SYDE2: variants seen among roughly 807,000 people sequenced by gnomAD.
SYDE2 encodes the protein synapse defective Rho GTPase homolog 2, also known as rho GTPase-activating protein SYDE2.
In SYDE2, 76 loss-of-function variants were observed where a neutral mutation model predicts 91.5. That is an observed-to-expected ratio of 0.83 (90% CI 0.69 to 1.01). The LOEUF is 1.01. Among genes scored for constraint, SYDE2 ranks in the 50% least tolerant of loss-of-function variants. The pLI, the probability that SYDE2 is intolerant of heterozygous loss-of-function variation, is 0.00. For missense variants in SYDE2, 1,364 were observed against 1,367.7 expected (o/e 1.00, Z 0.04); for synonymous variants, 513 against 506.4 (o/e 1.01, Z -0.18).
intron 2 of SYDE2, among the ~76,000 whole-genome samples, chr1:85,185,846 T>G (rs1331735587): frequency 6.6e-6 from 1 of 151,868 alleles, no homozygotes; most frequent in Non-Finnish European, 1.5e-5. Context: ...TGAATAGGAG[T>G]GGTGAGAGAG....
At chr1:85,181,236 C>A (rs186752575) in intron 3 of SYDE2, 2 of 146,828 alleles carry the variant, frequency 1.4e-5, no homozygotes, top group African/African-American at 5.0e-5. Context: ...ACTGTAATGT[C>A]CACCTCCTGG....
chr1:85,154,973 A>G (rs998086448), downstream of SYDE2, among the ~76,000 whole-genome samples: 3 of 150,194 alleles, frequency 2.0e-5, no homozygotes, highest in African/African-American at 7.3e-5. Flanking sequence ...AATATACTTC[A>G]GCAAACAGAA....
chr1:85,175,483 C>CA (rs1657662396), intron 4 of SYDE2, among the ~76,000 whole-genome samples: 1 of 152,050 alleles, frequency 6.6e-6, no homozygotes, highest in South Asian at 2.1e-4. Flanking sequence ...GACTCTTTCT[C>CA]AAAAAGCAAA....
chr1:85,188,690 T>A (rs191445697), intron 2 of SYDE2, among the ~76,000 whole-genome samples: 1 of 152,186 alleles, frequency 6.6e-6, no homozygotes, highest in Non-Finnish European at 1.5e-5. Context: ...AGAATTATTC[T>A]GCCCAAGGGT....
At chr1:85,188,517 T>C (rs1658240987) in intron 2 of SYDE2, among the ~76,000 whole-genome samples, 1 of 152,182 alleles carries the variant, frequency 6.6e-6, no homozygotes, top group Admixed American at 6.5e-5. Flanking sequence ...GAGAAAAGGT[T>C]TTAAATGTAA....
chr1:85,169,291 A>AT (rs147595313), intron 4 of SYDE2, 66 bp from the exon 5 acceptor site: 2 of 1,302,038 alleles, frequency 1.5e-6, no homozygotes, highest in Non-Finnish European at 2.1e-6. Flanking sequence ...ACTATGGTCA[A>AT]TTTTTTAAAA....
chr1:85,190,038 C>G lies in SYDE2; in HGVS notation c.1441+19G>C, dbSNP rs779003952. 2 of 1,544,890 alleles carry G rather than the reference C, an allele frequency of 1.3e-6. No individual in the cohort carries two copies. The highest frequency in any genetic ancestry group is 1.8e-6 in the Non-Finnish European group (2 of 1,138,422). On this transcript the variant is annotated intron_variant, in intron 2 of 6. Coordinates refer to ENST00000341460, the MANE Select transcript of SYDE2 (RefSeq NM_032184.2). The stretch of plus-strand genomic sequence containing the variant: ...AAAAATGGAAGAAGAAAGAAAGACA[C>G]ATATATGATCATTTTTACCTGCAAA...
In SYDE2 at chr1:85,164,749, T is replaced by C; in HGVS notation, c.2862A>G (p.Leu954=). The C allele has an allele frequency of 1.5e-6, 2 of 1,365,732 alleles. No individual in the cohort carries two copies. Among genetic ancestry groups the C allele is most frequent in the Non-Finnish European group, 1.9e-6 (2 of 1,055,032 alleles). 84.6% of individuals were successfully genotyped at this position (1,365,732 alleles called of 1,614,324 possible). ...ATTTCAAATGATCCAACAACATCTT[T>C]AGGGTTGCCTAAATTAAATTAAATT... The part of the protein sequence containing the change: ...DCLPEIEKAT[L]KMLLDHLKLV... The change falls in exon 6 of 7, where the codon CTA becomes CTG. Residue 954 remains leucine (L), a synonymous_variant. Transcript: ENST00000341460.
chr1:85,153,880 G>A (rs1656823170), downstream of SYDE2: 1 of 152,042 alleles, frequency 6.6e-6, no homozygotes, highest in Non-Finnish European at 1.5e-5. Context: ...AAACACCTAT[G>A]AAACCACCAC....
At position 85,160,684 on chromosome 1, in the gene SYDE2, T is replaced by C. The variant is rs1218814722; in HGVS notation, c.3086-1435A>G. The C allele has an allele frequency of 9.1e-6, 9 of 985,320 alleles. No individual in the cohort carries two copies. The Admixed American group carries it at 4.3e-4, about 47-fold the overall frequency. The allele number at this position is 985,320 out of a possible 1,614,324, so 61.0% of individuals were successfully genotyped here. A position where few individuals can be genotyped will look rare whatever the true frequency, so the allele number is the denominator to read the frequency against. On this transcript the variant is annotated intron_variant, in intron 6 of 6. Transcript: ENST00000341460. ...CCCCCTCATTCTTTGTGCTATTCCT[T>C]TTCTTTTTAGTGCTTAACTGTCATG...
At chr1:85,183,265 T>C (rs1416025064) in intron 2 of SYDE2, 65 bp from the exon 3 acceptor site, 4 of 1,420,192 alleles carry the variant, frequency 2.8e-6, no homozygotes, top group Non-Finnish European at 3.7e-6. Context: ...ATTCTTATTT[T>C]ATAAACCATC....
intron 4 of SYDE2, among the ~76,000 whole-genome samples, chr1:85,172,878 C>A (rs1657552080): frequency 6.6e-6 from 1 of 152,166 alleles, no homozygotes; most frequent in Non-Finnish European, 1.5e-5. Context: ...CTAATCAGCA[C>A]ACGCAGGTGG....
intron 6 of SYDE2, chr1:85,160,433 TG>T: frequency 1.1e-6 from 1 of 899,524 alleles, no homozygotes; most frequent in Non-Finnish European, 1.3e-6. Flanking sequence ...ATTTTAAAGA[TG>T]GTTATTATGT....
chr1:85,153,385 GA>G (rs1417771918), downstream of SYDE2: 2 of 152,220 alleles, frequency 1.3e-5, no homozygotes, highest in Non-Finnish European at 2.9e-5. Context: ...TGATGGCTGG[GA>G]TATACAGGGG....
chr1:85,189,434 A>G (rs1486275771), intron 2 of SYDE2, among the ~76,000 whole-genome samples: 3 of 152,220 alleles, frequency 2.0e-5, no homozygotes, highest in Admixed American at 2.0e-4. Flanking sequence ...GAATGAAGCA[A>G]AATAAGACTT....
intron 4 of SYDE2, among the ~76,000 whole-genome samples, chr1:85,174,077 C>G (rs530736076): frequency 6.6e-4 from 101 of 152,104 alleles, no homozygotes; most frequent in African/African-American, 2.4e-3. Flanking sequence ...TATCAGTGAG[C>G]TGTCACATAA....
chr1:85,199,670 T>C (rs1459981708), intron 1 of SYDE2, among the ~76,000 whole-genome samples: 1 of 152,088 alleles, frequency 6.6e-6, no homozygotes, highest in Admixed American at 6.6e-5. Context: ...GTATGTGAAA[T>C]ACTACCTGAC....
In SYDE2 at chr1:85,190,400, A is replaced by G; in HGVS notation, c.1098T>C (p.Asp366=). 6.2e-7 allele frequency: 1 copy of G among 1,613,812 alleles called. No homozygotes were observed. The change falls in exon 2 of 7, where the codon GAT becomes GAC. Residue 366 remains aspartate (D), a synonymous_variant. Coordinates refer to ENST00000341460, the MANE Select transcript of SYDE2 (RefSeq NM_032184.2). ...TGGGATTGTACCATATTTCTCCTTC[A>G]TCATCTGCATCATTTTCCTCATTAA... The part of the protein sequence containing the change: ...LDFNEENDAD[D]EGEIWYNPIP...
At chr1:85,156,786 T>C (rs1656892508), downstream of SYDE2, 1 of 152,184 alleles carries the variant, frequency 6.6e-6, no homozygotes, top group South Asian at 2.1e-4. Flanking sequence ...TAATACATGA[T>C]GGTCCAAAAT....
Sources: gnomAD v4.1 joint callset for allele counts (sites outside exome capture counted in the v4.1 genomes callset) on GRCh38, gnomAD v4.1.1 for gene constraint, MANE v1.5 for transcripts, NCBI Gene and HGNC (gene_info 2026-07-23, HGNC 2026-07-21) for gene names.